The following AGAP1 variants were observed in gnomAD, a reference collection of about 807,000 sequenced individuals.
AGAP1 encodes arf-GAP with GTPase, ANK repeat and PH domain-containing protein 1.
In AGAP1, 29 loss-of-function variants were observed where a neutral mutation model predicts 105.3. That is an observed-to-expected ratio of 0.28 (90% CI 0.21 to 0.38). The LOEUF (loss-of-function observed/expected upper bound fraction) is 0.38. Ranked by LOEUF, AGAP1 falls within the 10% of genes least tolerant of loss-of-function variation. The pLI is 1.00. For missense variants in AGAP1, 998 were observed against 1,165.1 expected (o/e 0.86, Z 2.09); for synonymous variants, 509 against 485.9 (o/e 1.05, Z -0.63).
intron 9 of AGAP1, among the ~76,000 whole-genome samples, chr2:235,813,258 C>T (rs1299141383): frequency 1.3e-5 from 2 of 152,196 alleles, no homozygotes; most frequent in South Asian, 4.1e-4. Flanking sequence ...AATTACTTTA[C>T]CCAAAGCACA....
intron 13 of AGAP1, among the ~76,000 whole-genome samples, chr2:235,999,252 G>C: frequency 6.6e-6 from 1 of 150,672 alleles, no homozygotes; most frequent in African/African-American, 2.4e-5. Flanking sequence ...TAGTGGTGGT[G>C]ACAATGATAG....
Position 235,605,598 on chromosome 2 carries a change from C to T in AGAP1, c.164-103581C>T, listed in dbSNP as rs559806652. Reference sequence around the variant, plus strand: ...TGGAAACACCAATTATTCAAGACACCCTAAGGGAGACCAGAAGGAAAGCGA... The same window carrying T: ...TGGAAACACCAATTATTCAAGACACTCTAAGGGAGACCAGAAGGAAAGCGA... On this transcript the variant is annotated intron_variant, in intron 1 of 17. Transcript: ENST00000304032. Among the ~76,000 whole-genome samples the T allele has an allele frequency of 3.3e-5, 5 of 152,294 alleles. No homozygotes were observed. In the East Asian group the frequency reaches 7.7e-4, roughly 24 times the overall value.
Position 235,883,624 on chromosome 2 carries a change from A to G in AGAP1, c.1155+175A>G, listed in dbSNP as rs1167819624. 1.3e-5 allele frequency among the ~76,000 whole-genome samples: 2 copies of G among 152,160 alleles called. No individual in the cohort carries two copies. The highest frequency in any genetic ancestry group is 4.8e-5 in the African/African-American group (2 of 41,436). ...TGTTCCTCACACTCCACTAGACCAT[A>G]TGTCTTTCTCTCTCTTCCCCTCCCT... On this transcript the variant is annotated intron_variant, in intron 10 of 17. Transcript: ENST00000304032. This position sits in a 1 kb window ranked among gnomAD's most constrained non-coding sequence, Gnocchi z 4.5.
rs1953523084 is a variant in AGAP1, at chr2:235,752,442, G to A, written c.673+1954G>A. ...AATCTGCCCACCTTGGCCTCCCAAA[G>A]TGCTAGGATTATAGGCATGAGCCAC... On this transcript the variant is annotated intron_variant, in intron 6 of 17. Coordinates refer to ENST00000304032, the MANE Select transcript of AGAP1 (RefSeq NM_001037131.3). The surrounding 1 kb of genome is among the most constrained non-coding windows in gnomAD (Gnocchi z 4.3). Among the ~76,000 whole-genome samples, 1 of 152,188 alleles carries A rather than the reference G, an allele frequency of 6.6e-6. No homozygotes were observed. Among genetic ancestry groups the A allele is most frequent in the South Asian group, 2.1e-4 (1 of 4,834 alleles).
In AGAP1 at chr2:235,934,656, C is replaced by T. The variant is rs952258952; in HGVS notation, c.1483+3733C>T. 6.6e-6 allele frequency among the ~76,000 whole-genome samples: 1 copy of T among 152,108 alleles called. No individual in the cohort carries two copies. The highest frequency in any genetic ancestry group is 6.5e-5 in the Admixed American group (1 of 15,272). ...GTCATGCTCTTTCTTCTTAAGTTGCCGGTGATATAAGTCCCCCCTGCCCCC... is the reference window on the plus strand; with the variant it reads ...GTCATGCTCTTTCTTCTTAAGTTGCTGGTGATATAAGTCCCCCCTGCCCCC... On this transcript the variant is annotated intron_variant, in intron 12 of 17. Coordinates refer to ENST00000304032, the MANE Select transcript of AGAP1 (RefSeq NM_001037131.3). The surrounding 1 kb of genome is among the most constrained non-coding windows in gnomAD (Gnocchi z 4.9).
At chr2:236,024,489 C>T (rs1318642362) in intron 13 of AGAP1, among the ~76,000 whole-genome samples, 4 of 152,116 alleles carry the variant, frequency 2.6e-5, no homozygotes, top group South Asian at 2.1e-4. Context: ...TCCCTCCCCT[C>T]GCACCCACTT....
chr2:235,668,320 C>T (rs138615180), intron 1 of AGAP1, among the ~76,000 whole-genome samples: 13 of 152,312 alleles, frequency 8.5e-5, no homozygotes, highest in African/African-American at 3.1e-4. Flanking sequence ...AGAGAGCTTG[C>T]CCAATTCAGT....
At chr2:236,116,650 T>C (rs2125961027) in intron 16 of AGAP1, among the ~76,000 whole-genome samples, 1 of 152,220 alleles carries the variant, frequency 6.6e-6, no homozygotes, top group Non-Finnish European at 1.5e-5. Context: ...CGGCCAGCCA[T>C]GAGTAAATTC....
chr2:235,895,674 C>A (rs1385412455), intron 10 of AGAP1, among the ~76,000 whole-genome samples: 1 of 151,926 alleles, frequency 6.6e-6, no homozygotes, highest in African/African-American at 2.4e-5. Flanking sequence ...ACCAATGTAT[C>A]TCTAACATCT....
At chr2:235,503,569 CT>C (rs762869962) in intron 1 of AGAP1, among the ~76,000 whole-genome samples, 1 of 151,980 alleles carries the variant, frequency 6.6e-6, no homozygotes, top group Non-Finnish European at 1.5e-5. Flanking sequence ...ACTTCAAACT[CT>C]TTTATTTCTT....
rs1349900957 is a variant in AGAP1, at chr2:236,012,067, T to C, written c.1646-24494T>C. 6.6e-6 allele frequency among the ~76,000 whole-genome samples: 1 copy of C among 152,108 alleles called. No homozygotes were observed. ...GAGACCGATGCACATATCAGGACCT[T>C]GGTATCAGCTAGAAAACATCCATTT... On this transcript the variant is annotated intron_variant, in intron 13 of 17. Coordinates refer to ENST00000304032, the MANE Select transcript of AGAP1 (RefSeq NM_001037131.3). The surrounding 1 kb of genome is among the most constrained non-coding windows in gnomAD (Gnocchi z 4.9).
At chr2:235,503,568 T>C (rs1350379776) in intron 1 of AGAP1, among the ~76,000 whole-genome samples, 1 of 152,088 alleles carries the variant, frequency 6.6e-6, no homozygotes, top group Non-Finnish European at 1.5e-5. Context: ...CACTTCAAAC[T>C]CTTTTATTTC....
intron 1 of AGAP1, among the ~76,000 whole-genome samples, chr2:235,619,769 G>C (rs1946417475): frequency 6.6e-6 from 1 of 152,224 alleles, no homozygotes. Flanking sequence ...CGCCCGAATT[G>C]CTGCACATTG....
intron 1 of AGAP1, among the ~76,000 whole-genome samples, chr2:235,537,547 G>T (rs1308502811): frequency 6.6e-6 from 1 of 152,174 alleles, no homozygotes; most frequent in East Asian, 1.9e-4. Context: ...TCATGTCTTG[G>T]CTGCCCCATT....
At chr2:235,693,832 G>A (rs1401438174) in intron 1 of AGAP1, among the ~76,000 whole-genome samples, 5 of 152,318 alleles carry the variant, frequency 3.3e-5, no homozygotes, top group African/African-American at 9.6e-5. Flanking sequence ...GATTTCCTCT[G>A]GCATAAGTGT....
Position 236,120,838 on chromosome 2 carries a change from G to C in AGAP1, c.2370+391G>C, listed in dbSNP as rs2059881084. On this transcript the variant is annotated intron_variant, in intron 17 of 17. Transcript: ENST00000304032. The surrounding 1 kb of genome is among the most constrained non-coding windows in gnomAD (Gnocchi z 6.0). ...GAAATACTGGACCCTAAACTTTGAG[G>C]TCTGATGTGGCAGGAGTTTGTCAAA... Among the ~76,000 whole-genome samples, 1 of 152,174 alleles carries C rather than the reference G, an allele frequency of 6.6e-6. No individual in the cohort carries two copies. Among genetic ancestry groups the C allele is most frequent in the Non-Finnish European group, 1.5e-5 (1 of 68,038 alleles).
Position 235,812,167 on chromosome 2 carries a change from CT to C in AGAP1, c.1050+4847del, listed in dbSNP as rs920634079. On this transcript the variant is annotated intron_variant, in intron 9 of 17. Transcript: ENST00000304032. ...AAAGGAGCAACATCCCTCAAAAAAACTTTTTTTTTTTAAGTCTTCATTTTGA... is the reference window on the plus strand; with the variant it reads ...AAAGGAGCAACATCCCTCAAAAAAACTTTTTTTTTTAAGTCTTCATTTTGA... Among the ~76,000 whole-genome samples, 973 of 148,950 alleles carry C rather than the reference CT, an allele frequency of 6.5e-3. 12 individuals are homozygous for C. Among genetic ancestry groups the C allele is most frequent in the African/African-American group, 0.022 (901 of 40,818 alleles).
Position 235,622,117 on chromosome 2 carries a change from C to A in AGAP1, c.164-87062C>A, listed in dbSNP as rs899086175. Among the ~76,000 whole-genome samples, 1 of 152,124 alleles carries A rather than the reference C, an allele frequency of 6.6e-6. No individual in the cohort carries two copies. Among genetic ancestry groups the A allele is most frequent in the Non-Finnish European group, 1.5e-5 (1 of 68,028 alleles). On this transcript the variant is annotated intron_variant, in intron 1 of 17. Transcript: ENST00000304032. The surrounding 1 kb of genome is among the most constrained non-coding windows in gnomAD (Gnocchi z 5.0). ...TTTTGAATAGGTTACATGCAGACATCCAAAATAAACTTTTTTTTTTCTGTA... is the reference window on the plus strand; with the variant it reads ...TTTTGAATAGGTTACATGCAGACATACAAAATAAACTTTTTTTTTTCTGTA...
intron 12 of AGAP1, among the ~76,000 whole-genome samples, chr2:235,940,099 G>A (rs1300044335): frequency 6.6e-6 from 1 of 152,040 alleles, no homozygotes; most frequent in Non-Finnish European, 1.5e-5. Context: ...CCTCCCAGTA[G>A]TTCAAAACAC....
Sources: gnomAD v4.1 joint callset for allele counts (sites outside exome capture counted in the v4.1 genomes callset) on GRCh38, gnomAD v4.1.1 for gene constraint, Gnocchi (gnomAD v3.1) non-coding constraint, MANE v1.5 for transcripts, NCBI Gene and HGNC (gene_info 2026-07-23, HGNC 2026-07-21) for gene names.